The following A2M variants were observed in gnomAD, a reference collection of about 807,000 sequenced individuals.
The protein encoded by A2M is C3 and PZP-like alpha-2-macroglobulin domain-containing protein 5.
Under a neutral mutation model 183.9 loss-of-function variants are expected in A2M, and 128 were observed. The ratio of observed to expected loss-of-function variants is 0.70; its 90% CI spans 0.60 to 0.81. The LOEUF (loss-of-function observed/expected upper bound fraction) is 0.81, where lower values mean the gene tolerates loss of function less well. Ranked by LOEUF, A2M falls within the 30% of genes least tolerant of loss-of-function variation. The pLI, the probability that A2M is intolerant of heterozygous loss-of-function variation, is 0.00. For missense variants in A2M, 1,495 were observed against 1,787.6 expected, an observed-to-expected ratio of 0.84 and a Z score of 2.95; for synonymous variants, 592 against 670.8, an observed-to-expected ratio of 0.88 and a Z score of 1.81.
chr12:9,114,187 A>G (rs142926928), intron 1 of A2M, among the ~76,000 whole-genome samples: 372 of 152,314 alleles, frequency 2.4e-3, no homozygotes, highest in African/African-American at 8.6e-3. Flanking sequence ...CAATGGCTCC[A>G]TCCAAAAATG....
At chr12:9,086,577 GACAGAAT>G (rs1949057583) in intron 22 of A2M, among the ~76,000 whole-genome samples, 2 of 152,158 alleles carry the variant, frequency 1.3e-5, no homozygotes, top group Non-Finnish European at 2.9e-5. Flanking sequence ...AAAAGTATTT[GACAGAAT>G]TCAATGCTCT....
At chr12:9,098,429 G>GTT (rs397897658) in intron 15 of A2M, 178 bp downstream of exon 15, 17 of 368,658 alleles carry the variant, frequency 4.6e-5, no homozygotes, top group East Asian at 9.9e-5. Context: ...GAAGTGAGTA[G>GTT]TTATATATAT....
rs376352242 is a variant in A2M, at chr12:9,077,816, G to C, written c.3161C>G (p.Ala1054Gly). ...GTGTGCTTCATCGATGAAGATGTAG[G>C]CTCGAGCTTGGGCAAAAGTCTTCAG... ...FVLKTFAQAR[A>G]YIFIDEAHIT... Residue 1054 changes from alanine to glycine, a missense_variant, in exon 26 of 36, where the codon GCC (alanine) becomes GGC (glycine). Transcript: ENST00000318602. 2.5e-6 allele frequency: 4 copies of C among 1,614,032 alleles called. No individual in the cohort carries two copies. In the Admixed American group the frequency reaches 6.7e-5, roughly 27 times the overall value.
rs766832040 is a variant in A2M at position 9,106,595 on chromosome 12, T to C, written c.890A>G (p.His297Arg). 6.4e-7 allele frequency: 1 copy of C among 1,563,834 alleles called. No individual in the cohort carries two copies. Among genetic ancestry groups the C allele is most frequent in the South Asian group, 1.2e-5 (1 of 86,282 alleles). The change falls in exon 9 of 36, where the codon CAT (histidine) becomes CGT (arginine). Residue 297 changes from histidine to arginine, a missense_variant. By Grantham distance (29) the His-to-Arg change is conservative. Coordinates refer to ENST00000318602, the MANE Select transcript of A2M (RefSeq NM_000014.6). ...CEKFSGQLNS[H>R]GCFYQQVKTK... The stretch of plus-strand genomic sequence containing the variant: ...TTTTACTTGCTGATAGAAGCAGCCA[T>C]GGCTGTTTAGCTAAGAAGGGAGAAA...
At chr12:9,085,588 C>T (rs1029596943) in intron 22 of A2M, among the ~76,000 whole-genome samples, 1 of 151,752 alleles carries the variant, frequency 6.6e-6, no homozygotes, top group Admixed American at 6.6e-5. Flanking sequence ...AATGATATTC[C>T]TCAGAGAAGT....
intron 10 of A2M, among the ~76,000 whole-genome samples, chr12:9,105,058 T>G (rs1938181863): frequency 6.6e-6 from 1 of 152,210 alleles, no homozygotes; most frequent in African/African-American, 2.4e-5. Flanking sequence ...AGGCACACAG[T>G]ATTAAATAAG....
chr12:9,090,059 T>C, intron 20 of A2M, 36 bp from the exon 21 acceptor site: 2 of 1,570,474 alleles, frequency 1.3e-6, no homozygotes, highest in Non-Finnish European at 1.7e-6. Context: ...AATAGCATCT[T>C]CCCCTTCCTC....
chr12:9,080,191 C>T lies in A2M; in HGVS notation c.2771-14G>A. On this transcript the variant is annotated splice_polypyrimidine_tract_variant and intron_variant, in intron 22 of 35. Transcript: ENST00000318602. Reference sequence around the variant, plus strand: ...AAACCTCACCACCTAGAGAAATAAGCAAATCAGACATATGAAAATTATTTC... The same window carrying T: ...AAACCTCACCACCTAGAGAAATAAGTAAATCAGACATATGAAAATTATTTC... 1 of 1,515,640 alleles carries T rather than the reference C, an allele frequency of 6.6e-7. No individual in the cohort carries two copies. The highest frequency in any genetic ancestry group is 9.0e-7 in the Non-Finnish European group (1 of 1,107,294). The allele number at this position is 1,515,640 out of a possible 1,614,324, so 93.9% of individuals were successfully genotyped here.
At position 9,079,326 on chromosome 12, in the gene A2M, G is replaced by A; in HGVS notation, c.3037C>T (p.Gln1013Ter). The A allele has an allele frequency of 6.2e-7, 1 of 1,613,330 alleles. No homozygotes were observed. The highest frequency in any genetic ancestry group is 8.5e-7 in the Non-Finnish European group (1 of 1,179,590). Residue 1013 changes from glutamine to a stop codon, truncating the protein, a stop_gained, in exon 25 of 36, where the codon CAG becomes TAG. Coordinates refer to ENST00000318602, the MANE Select transcript of A2M (RefSeq NM_000014.6). LOFTEE classifies it high-confidence loss of function. Reference protein sequence around the residue: ...KAIGYLNTGYQRQLNYKHYDG... With the variant: ...KAIGYLNTGY Reference sequence around the variant, plus strand: ...TAGTGTTTGTAGTTCAACTGTCTCTGGTAACCTGGAAAGGAAGATTAACGA... The same window carrying A: ...TAGTGTTTGTAGTTCAACTGTCTCTAGTAACCTGGAAAGGAAGATTAACGA...
At chr12:9,113,586 A>G (rs764030369) in intron 1 of A2M, 43 bp from the exon 2 acceptor site, 118 of 1,577,150 alleles carry the variant, frequency 7.5e-5, no homozygotes, top group Admixed American at 1.0e-4. Context: ...GAAGGAAGAG[A>G]GGCATTGCTA....
rs940577358 is a variant in A2M at position 9,101,062 on chromosome 12, G to A, written c.1558+82C>T. 4.6e-6 allele frequency: 6 copies of A among 1,302,040 alleles called. No homozygotes were observed. In the Admixed American group the frequency reaches 1.2e-4, roughly 26 times the overall value. The allele number at this position is 1,302,040 out of a possible 1,614,324, so 80.7% of individuals were successfully genotyped here. A position where few individuals can be genotyped will look rare whatever the true frequency, so the allele number is the denominator to read the frequency against. On this transcript the variant is annotated intron_variant, in intron 13 of 35. Coordinates refer to ENST00000318602, the MANE Select transcript of A2M (RefSeq NM_000014.6). Reference sequence around the variant, plus strand: ...CCCCCAAAAACCTATGGAAAAAAAGGGAAAGTATTCTGATACTTCCGTGGT... The same window carrying A: ...CCCCCAAAAACCTATGGAAAAAAAGAGAAAGTATTCTGATACTTCCGTGGT...
intron 28 of A2M, among the ~76,000 whole-genome samples, chr12:9,075,809 A>G (rs1253098641): frequency 6.6e-6 from 1 of 152,224 alleles, no homozygotes; most frequent in Non-Finnish European, 1.5e-5. Context: ...TGGAGGTGGT[A>G]GTGATACACA....
chr12:9,106,643 A>T, intron 8 of A2M, 38 bp from the exon 9 acceptor site: 1 of 1,071,928 alleles, frequency 9.3e-7, no homozygotes. Flanking sequence ...AATATAATGC[A>T]TATTATACTA....
chr12:9,075,340 A>G (rs1175703585), intron 28 of A2M, among the ~76,000 whole-genome samples: 1 of 152,230 alleles, frequency 6.6e-6, no homozygotes, highest in Non-Finnish European at 1.5e-5. Flanking sequence ...TGCTTAGCCC[A>G]CTAATCAGTC....
In A2M at chr12:9,077,431, G is replaced by A. The variant is rs367549449; in HGVS notation, c.3277-11C>T. The A allele has an allele frequency of 2.6e-5, 41 of 1,606,612 alleles. No homozygotes were observed. Among genetic ancestry groups the A allele is most frequent in the African/African-American group, 8.0e-5 (6 of 74,798 alleles). ...ATCTTCTACTCCTCCCTGTGAATAC[G>A]AGAGAGAGATCTGAATAATTCAACT... On this transcript the variant is annotated splice_polypyrimidine_tract_variant and intron_variant, in intron 26 of 35. Coordinates refer to ENST00000318602, the MANE Select transcript of A2M (RefSeq NM_000014.6).
chr12:9,093,453 G>T lies in A2M; in HGVS notation c.2240+12C>A. 6.3e-7 allele frequency: 1 copy of T among 1,589,440 alleles called. No homozygotes were observed. The highest frequency in any genetic ancestry group is 1.1e-5 in the South Asian group (1 of 90,632). On this transcript the variant is annotated intron_variant, in intron 18 of 35. Transcript: ENST00000318602. Reference sequence around the variant, plus strand: ...CTATTGTTGCATATTGCATATGCAGGAAGTTACTTACTTTACCACCACCAA... The same window carrying T: ...CTATTGTTGCATATTGCATATGCAGTAAGTTACTTACTTTACCACCACCAA...
intron 15 of A2M, among the ~76,000 whole-genome samples, chr12:9,096,221 A>G (rs1427469292): frequency 6.6e-6 from 1 of 152,182 alleles, no homozygotes; most frequent in African/African-American, 2.4e-5. Flanking sequence ...GAAAAACCAA[A>G]CACTCCATCT....
At chr12:9,110,091 A>C in intron 5 of A2M, 56 bp from the exon 6 acceptor site, 2 of 1,544,326 alleles carry the variant, frequency 1.3e-6, no homozygotes, top group Non-Finnish European at 1.8e-6. Flanking sequence ...TGGAGCTAAT[A>C]AAAGATATCT....
Position 9,070,494 on chromosome 12 carries a change from C to G in A2M, c.4188G>C (p.Val1396=). Residue 1396 remains valine (V), a synonymous_variant, in exon 32 of 36, where the codon GTG becomes GTC. Coordinates refer to ENST00000318602, the MANE Select transcript of A2M (RefSeq NM_000014.6). The stretch of plus-strand genomic sequence containing the variant: ...GGGGTTATGATAAACCTACCATTTT[C>G]ACTGTTGGCTTCAGGGGAATGAAGC... ...VSGFIPLKPT[V]KMLERSNHVS... is the part of the protein sequence containing the mutation. 6.2e-7 allele frequency: 1 copy of G among 1,612,634 alleles called. No individual in the cohort carries two copies. The highest frequency in any genetic ancestry group is 1.3e-5 in the African/African-American group (1 of 75,014).
Sources: gnomAD v4.1 joint callset for allele counts (sites outside exome capture counted in the v4.1 genomes callset) on GRCh38, gnomAD v4.1.1 for gene constraint, MANE v1.5 for transcripts, NCBI Gene and HGNC (gene_info 2026-07-23, HGNC 2026-07-21) for gene names.